GRIP1: variants seen among roughly 807,000 people sequenced by gnomAD.
GRIP1 encodes the protein glutamate receptor interacting protein 1.
Under a neutral mutation model 129.9 loss-of-function variants are expected in GRIP1, and 45 were observed. The observed-to-expected ratio is 0.35, with a 90% CI of 0.27 to 0.44. GRIP1 has a LOEUF of 0.44. Among genes scored for constraint, GRIP1 ranks in the 20% least tolerant of loss-of-function variants. The pLI, the probability that GRIP1 is intolerant of heterozygous loss-of-function variation, is 1.00. For missense variants in GRIP1, 1,196 were observed against 1,396.8 expected, an observed-to-expected ratio of 0.86 and a Z score of 2.29; for synonymous variants, 530 against 520.8, an observed-to-expected ratio of 1.02 and a Z score of -0.24.
intron 7 of GRIP1, among the ~76,000 whole-genome samples, chr12:66,504,601 A>C (rs1330975241): frequency 6.6e-6 from 1 of 152,148 alleles, no homozygotes; most frequent in African/African-American, 2.4e-5. Flanking sequence ...CAATCTTCAA[A>C]CTGCAAAATC....
intron 7 of GRIP1, among the ~76,000 whole-genome samples, chr12:66,471,163 T>C (rs2059429446): frequency 6.6e-6 from 1 of 152,210 alleles, no homozygotes; most frequent in Admixed American, 6.5e-5. Context: ...GAGGGTATTC[T>C]TATTTGTATT....
At chr12:67,061,983 A>T (rs1413175510) in intron 1 of GRIP1, among the ~76,000 whole-genome samples, 2 of 152,242 alleles carry the variant, frequency 1.3e-5, no homozygotes, top group East Asian at 3.9e-4. Flanking sequence ...TACACTCTTC[A>T]TGTTTCCGAC....
chr12:66,906,312 T>C (rs557478302), intron 1 of GRIP1, among the ~76,000 whole-genome samples: 2 of 152,122 alleles, frequency 1.3e-5, no homozygotes, highest in Admixed American at 1.3e-4. Context: ...GACACACTTG[T>C]AGTCCCAGCT....
intron 2 of GRIP1, among the ~76,000 whole-genome samples, chr12:66,553,442 T>G (rs2062209678): frequency 1.3e-5 from 2 of 152,070 alleles, no homozygotes; most frequent in Non-Finnish European, 2.9e-5. Context: ...GATGTAGACT[T>G]AGTCCCTGAC....
intron 1 of GRIP1, among the ~76,000 whole-genome samples, chr12:66,615,836 G>T (rs1364130940): frequency 6.6e-6 from 1 of 151,924 alleles, no homozygotes; most frequent in East Asian, 1.9e-4. Flanking sequence ...GTAGAGGCAG[G>T]GTTTCACCAT....
chr12:66,963,387 C>T (rs1484546784), intron 1 of GRIP1, among the ~76,000 whole-genome samples: 1 of 152,040 alleles, frequency 6.6e-6, no homozygotes, highest in Non-Finnish European at 1.5e-5. Context: ...ATTGAATGCA[C>T]ATTCTAATAC....
At chr12:66,822,503 T>C (rs924333216) in intron 1 of GRIP1, among the ~76,000 whole-genome samples, 1 of 152,184 alleles carries the variant, frequency 6.6e-6, no homozygotes, top group South Asian at 2.1e-4. Flanking sequence ...TTACTTGGTA[T>C]ATATCCAAAA....
At chr12:66,698,088 C>T (rs183749596) in intron 1 of GRIP1, among the ~76,000 whole-genome samples, 5 of 152,128 alleles carry the variant, frequency 3.3e-5, no homozygotes, top group Non-Finnish European at 7.4e-5. Flanking sequence ...ATATTTACAA[C>T]AATCAGAGAT....
chr12:67,016,669 G>A (rs192696201), intron 1 of GRIP1, among the ~76,000 whole-genome samples: 77 of 152,276 alleles, frequency 5.1e-4, no homozygotes, highest in African/African-American at 1.8e-3. Context: ...CTAAAAAAGC[G>A]ATGGATGAAG....
chr12:66,914,719 G>C (rs1448666743), intron 1 of GRIP1, among the ~76,000 whole-genome samples: 1 of 152,184 alleles, frequency 6.6e-6, no homozygotes, highest in Admixed American at 6.5e-5. Flanking sequence ...AGTACATAAA[G>C]TTTTAAAGAT....
At chr12:66,875,029 T>C (rs1361522643) in intron 1 of GRIP1, among the ~76,000 whole-genome samples, 1 of 152,082 alleles carries the variant, frequency 6.6e-6, no homozygotes, top group African/African-American at 2.4e-5. Context: ...CACATAAAGA[T>C]AGGAACCATG....
chr12:67,050,611 C>G (rs2135848442), intron 1 of GRIP1, among the ~76,000 whole-genome samples: 1 of 150,886 alleles, frequency 6.6e-6, no homozygotes, highest in East Asian at 1.9e-4. Flanking sequence ...CATTCTAAAG[C>G]ACTGATGTTC....
intron 1 of GRIP1, among the ~76,000 whole-genome samples, chr12:66,726,766 G>A (rs1301833770): frequency 3.3e-5 from 5 of 152,188 alleles, no homozygotes; most frequent in Non-Finnish European, 5.9e-5. Context: ...GCATCGCTGA[G>A]CTGGAAGAAT....
rs200313638 is a variant in GRIP1 at position 66,455,571 on chromosome 12, G to A, written c.1199-7C>T. ...GATGAAGACACCAAAGCTGCTGCAA[G>A]AGAGTGAAGACGTTGCACAGAGCAC... On this transcript the variant is annotated splice_polypyrimidine_tract_variant and splice_region_variant and intron_variant, in intron 10 of 24. Transcript: ENST00000359742. 6.4e-5 allele frequency: 104 copies of A among 1,613,386 alleles called. No homozygotes were observed. The highest frequency in any genetic ancestry group is 8.3e-5 in the Admixed American group (5 of 59,988).
intron 1 of GRIP1, among the ~76,000 whole-genome samples, chr12:66,622,076 G>A (rs1204501097): frequency 6.6e-6 from 1 of 152,098 alleles, no homozygotes. Flanking sequence ...GTACTTTGAT[G>A]TACAAAAGGT....
chr12:66,846,691 CT>C (rs2039823111), intron 1 of GRIP1, among the ~76,000 whole-genome samples: 2 of 152,284 alleles, frequency 1.3e-5, no homozygotes, highest in Admixed American at 6.5e-5. Context: ...CAGGTGCAGA[CT>C]TTGTGTATCA....
At chr12:67,039,919 T>C (rs77620491) in intron 1 of GRIP1, among the ~76,000 whole-genome samples, 446 of 152,252 alleles carry the variant, frequency 2.9e-3, no homozygotes, top group Non-Finnish European at 4.8e-3. Flanking sequence ...CGTTGTGGCA[T>C]ATTTTAGGTT....
In GRIP1 at chr12:66,361,099, C is replaced by T. The variant is rs149219096; in HGVS notation, c.3013-7536G>A. ...TACTACCTATGGTGCTGGAAGAAAA[C>T]GAAATAGAATACAGTCTTCTAAACT... is the stretch of plus-strand genomic sequence containing the variant. On this transcript the variant is annotated intron_variant, in intron 23 of 24. Coordinates refer to ENST00000359742, the MANE Select transcript of GRIP1 (RefSeq NM_001366722.1). 1.3e-3 allele frequency among the ~76,000 whole-genome samples: 194 copies of T among 152,188 alleles called. 1 individual carries two copies. Among genetic ancestry groups the T allele is most frequent in the African/African-American group, 4.3e-3 (179 of 41,544 alleles).
intron 1 of GRIP1, among the ~76,000 whole-genome samples, chr12:66,925,983 A>G (rs888443114): frequency 1.3e-5 from 2 of 152,254 alleles, no homozygotes; most frequent in African/African-American, 4.8e-5. Flanking sequence ...AAATAAAAAG[A>G]AGCAGTATGA....
Sources: gnomAD v4.1 joint callset for allele counts (sites outside exome capture counted in the v4.1 genomes callset) on GRCh38, gnomAD v4.1.1 for gene constraint, MANE v1.5 for transcripts, NCBI Gene and HGNC (gene_info 2026-07-23, HGNC 2026-07-21) for gene names.